The following LMF1 variants were observed in gnomAD, a reference collection of about 807,000 sequenced individuals.
The protein encoded by LMF1 is lipase maturation factor 1, also known as transmembrane protein 112.
LMF1 carries 68 observed loss-of-function variants against 60.6 expected under a neutral mutation model. The ratio of observed to expected loss-of-function variants is 1.12; its 90% CI spans 0.92 to 1.37. The LOEUF is 1.37. Among genes scored for constraint, LMF1 ranks in the 40% most tolerant of loss-of-function variants. LMF1 has a pLI of 0.00. For synonymous variants in LMF1, 418 were observed against 324.7 expected (o/e 1.29, Z -3.09); for missense variants, 948 against 767.2 (o/e 1.24, Z -2.78).
intron 1 of LMF1, among the ~76,000 whole-genome samples, chr16:964,765 C>T (rs914611911): frequency 2.1e-4 from 32 of 152,238 alleles, no homozygotes; most frequent in Admixed American, 1.8e-3. Flanking sequence ...CTGCCTGCCA[C>T]GTCAACCCTG....
intron 3 of LMF1, among the ~76,000 whole-genome samples, chr16:913,363 A>G (rs1458059169): frequency 6.6e-6 from 1 of 152,234 alleles, no homozygotes; most frequent in African/African-American, 2.4e-5. Flanking sequence ...CCTGCGACAC[A>G]GACAGCGTTG....
At chr16:968,787 T>C (rs1278592369) in intron 1 of LMF1, 1 of 152,210 alleles carries the variant, frequency 6.6e-6, no homozygotes, top group Non-Finnish European at 1.5e-5. Flanking sequence ...GAACAGAGAA[T>C]CCCTGCGGAG....
chr16:891,002 A>G (rs2070471070), intron 5 of LMF1, among the ~76,000 whole-genome samples: 1 of 152,202 alleles, frequency 6.6e-6, no homozygotes, highest in African/African-American at 2.4e-5. Context: ...CGGCTGACAC[A>G]GAGCACTCCT....
At chr16:867,764 A>G (rs1488561741) in intron 10 of LMF1, among the ~76,000 whole-genome samples, 1 of 152,124 alleles carries the variant, frequency 6.6e-6, no homozygotes, top group Non-Finnish European at 1.5e-5. Flanking sequence ...GGGACCCCAT[A>G]GCCCCTCTGC....
At chr16:869,454 C>G in intron 9 of LMF1, 1 of 544,610 alleles carries the variant, frequency 1.8e-6, no homozygotes, top group Non-Finnish European at 3.5e-6. Context: ...TTCGCTGAGA[C>G]AGGGTCTGGC....
intron 10 of LMF1, among the ~76,000 whole-genome samples, chr16:859,134 A>T (rs1434593334): frequency 1.1e-5 from 1 of 92,920 alleles, no homozygotes; most frequent in Admixed American, 1.4e-4. Context: ...GTGTGCACTG[A>T]TGTCACGGGA....
Position 917,713 on chromosome 16 carries a change from A to C in LMF1, c.515-6634T>G, listed in dbSNP as rs2071320925. ...TTTGCAGGGGTGCTGGGAGGTCCTG[A>C]TGTCAGCCCCACCCCAGAGGTGTCC... On this transcript the variant is annotated intron_variant, in intron 3 of 10. Coordinates refer to ENST00000262301, the MANE Select transcript of LMF1 (RefSeq NM_022773.4). 2.6e-5 allele frequency among the ~76,000 whole-genome samples: 4 copies of C among 152,138 alleles called. No homozygotes were observed. The South Asian group carries it at 8.3e-4, about 31-fold the overall frequency.
chr16:854,660 C>T lies in LMF1; in HGVS notation c.1576G>A (p.Gly526Ser), dbSNP rs766368885. The change falls in exon 11 of 11, where the codon GGC (glycine) becomes AGC (serine). Residue 526 changes from glycine (G) to serine (S), a missense_variant. Physicochemically the swap from Gly to Ser is moderately conservative, Grantham distance 56 (BLOSUM62 0). Coordinates refer to ENST00000262301, the MANE Select transcript of LMF1 (RefSeq NM_022773.4). ...CACTTGCCCTCGGCGGCGTGCCTGC[C>T]CCCAGGACGGCTGAACTTGTACCTG... Reference protein sequence around the residue: ...HYRYKFSRPGGRHAAEGKWWV... With the variant: ...HYRYKFSRPGSRHAAEGKWWV... 1.2e-6 allele frequency: 2 copies of T among 1,604,884 alleles called. No homozygotes were observed. Among genetic ancestry groups the T allele is most frequent in the African/African-American group, 1.3e-5 (1 of 74,954 alleles).
intron 10 of LMF1, among the ~76,000 whole-genome samples, chr16:866,200 G>T (rs540220665): frequency 6.6e-6 from 1 of 152,286 alleles, no homozygotes; most frequent in South Asian, 2.1e-4. Flanking sequence ...TTGTGTATTA[G>T]GAGATTTTGG....
At chr16:934,510 A>G in intron 2 of LMF1, 1 of 517,240 alleles carries the variant, frequency 1.9e-6, no homozygotes, top group Non-Finnish European at 3.5e-6. Flanking sequence ...AAATAAAAAA[A>G]TATGTATTTT....
upstream of LMF1, chr16:981,460 C>A (rs75352312): frequency 7.3e-6 from 2 of 275,320 alleles, no homozygotes; most frequent in African/African-American, 2.3e-5. Flanking sequence ...TCAGGAGCCG[C>A]GCGGCGCCCG....
chr16:865,350 GTCTTT>G lies in LMF1; in HGVS notation c.1529+3589_1529+3593del, dbSNP rs572334034. Among the ~76,000 whole-genome samples the G allele has an allele frequency of 2.2e-4, 34 of 152,254 alleles. No homozygotes were observed. The Middle Eastern group carries it at 0.01, about 46-fold the overall frequency. On this transcript the variant is annotated intron_variant, in intron 10 of 10. Coordinates refer to ENST00000262301, the MANE Select transcript of LMF1 (RefSeq NM_022773.4). ...AGGAACGTCTATTGTATTTACCCATGTCTTTTCTTTTTTCTTTTGAGATTGAGTCT... is the reference window on the plus strand; with the variant it reads ...AGGAACGTCTATTGTATTTACCCATGTCTTTTTTCTTTTGAGATTGAGTCT...
intron 4 of LMF1, chr16:900,717 G>GTT (rs1186387007): frequency 6.7e-6 from 1 of 150,058 alleles, no homozygotes; most frequent in African/African-American, 2.5e-5. Flanking sequence ...GTGTGTGTGT[G>GTT]TGTGTGTGTG....
At position 877,070 on chromosome 16, in the gene LMF1, AC is replaced by A. The variant is rs1456875453; in HGVS notation, c.897+2499del. 5.9e-5 allele frequency among the ~76,000 whole-genome samples: 9 copies of A among 152,166 alleles called. 1 individual carries two copies. Among genetic ancestry groups the A allele is most frequent in the African/African-American group, 1.9e-4 (8 of 41,422 alleles). On this transcript the variant is annotated intron_variant, in intron 6 of 10. Coordinates refer to ENST00000262301, the MANE Select transcript of LMF1 (RefSeq NM_022773.4). ...ACACAGGCCTTGAGGCCGGGCGCAC[AC>A]CTGCAGTCACGGCACTTTAGGAGGT...
upstream of LMF1, chr16:981,413 C>A: frequency 3.3e-6 from 1 of 298,704 alleles, no homozygotes; most frequent in South Asian, 2.4e-5. Context: ...CCCGAGGACC[C>A]GCTTCCTAGC....
chr16:948,368 CG>C (rs2072308763), intron 2 of LMF1, among the ~76,000 whole-genome samples: 4 of 140,570 alleles, frequency 2.8e-5, no homozygotes, highest in African/African-American at 8.0e-5. Flanking sequence ...TCAGAGCCAA[CG>C]ACAGAGTCAG....
chr16:950,631 A>C (rs1269336465), intron 2 of LMF1, among the ~76,000 whole-genome samples: 16 of 147,842 alleles, frequency 1.1e-4, no homozygotes, highest in African/African-American at 4.1e-4. Context: ...ACAACGACAG[A>C]GTCAGCCAAG....
chr16:890,293 G>A (rs989667375), intron 5 of LMF1, among the ~76,000 whole-genome samples: 11 of 152,332 alleles, frequency 7.2e-5, no homozygotes, highest in South Asian at 4.1e-4. Context: ...AGGGGCCCCC[G>A]GGAAGCAAGA....
chr16:891,276 G>A (rs143844914), intron 5 of LMF1, among the ~76,000 whole-genome samples: 1,626 of 152,346 alleles, frequency 0.011, 21 homozygotes, highest in Non-Finnish European at 0.017. Flanking sequence ...GGCCAGGTGA[G>A]TCCTGGGGAT....
Sources: allele counts gnomAD v4.1 joint callset (sites outside exome capture counted in the v4.1 genomes callset), GRCh38; gene constraint gnomAD v4.1.1; transcripts MANE v1.5; gene names NCBI Gene and HGNC (gene_info 2026-07-23, HGNC 2026-07-21).